Variants in GYS1 observed in about 807,000 individuals in gnomAD.
The protein encoded by GYS1 is glycogen synthase 1.
Under a neutral mutation model 89.1 loss-of-function variants are expected in GYS1, and 60 were observed. That is an observed-to-expected ratio of 0.67 (90% CI 0.55 to 0.84). The LOEUF (loss-of-function observed/expected upper bound fraction) is 0.84, where lower values mean the gene tolerates loss of function less well. GYS1 is among the 40% of genes least tolerant of loss of function. The pLI is 0.00. For missense variants in GYS1, 888 were observed against 1,003.1 expected (o/e 0.89, Z 1.55); for synonymous variants, 366 against 401.7 (o/e 0.91, Z 1.06).
chr19:48,977,267 G>A (rs2038669805), intron 10 of GYS1, among the ~76,000 whole-genome samples: 1 of 152,062 alleles, frequency 6.6e-6, no homozygotes, highest in African/African-American at 2.4e-5. Context: ...CACCACACCT[G>A]GCCCTTTATT....
Position 48,990,353 on chromosome 19 carries a change from G to T in GYS1, c.300+949C>A, listed in dbSNP as rs80150504. Among the ~76,000 whole-genome samples the T allele has an allele frequency of 1.1e-4, 17 of 152,152 alleles. No individual in the cohort carries two copies. In the East Asian group the frequency reaches 3.3e-3, roughly 29 times the overall value. ...ATCTGCCCATCTCAGACTCTGTCCT[G>T]TGGGTCTGTCCACTGACCTCTCCTC... is the stretch of plus-strand genomic sequence containing the variant. On this transcript the variant is annotated intron_variant, in intron 2 of 15. Transcript: ENST00000323798.
In GYS1 at chr19:48,987,377, GA is replaced by G. The variant is rs778142095; in HGVS notation, c.308del (p.Phe103SerfsTer5). 1 of 1,600,650 alleles carries G rather than the reference GA, an allele frequency of 6.2e-7. No individual in the cohort carries two copies. Among genetic ancestry groups the G allele is most frequent in the South Asian group, 1.1e-5 (1 of 89,076 alleles). ...GGCCTCCCTCGATCAGCCAGCGCCC[GA>G]AATACACCTGGGATGGGGTTGGGGA... ...SMNSKGCKVY[F>X]GRWLIEGGPL... is the part of the protein sequence containing the mutation. On this transcript the variant is annotated frameshift_variant, in exon 3 of 16. Coordinates refer to ENST00000323798, the MANE Select transcript of GYS1 (RefSeq NM_002103.5). LOFTEE classifies it high-confidence loss of function.
In GYS1 at chr19:48,982,723, T is replaced by C. The variant is rs200544361; in HGVS notation, c.938A>G (p.Tyr313Cys). The C allele has an allele frequency of 1.7e-5, 28 of 1,602,080 alleles. No homozygotes were observed. Among genetic ancestry groups the C allele is most frequent in the Non-Finnish European group, 2.2e-5 (26 of 1,169,406 alleles). ...RIQEFVRGHF[Y>C]GHLDFNLDKT... ...CCTAGGTATATGCCCCACGTACCCA[T>C]AAAAATGGCCCCGCACAAACTCCTG... is the stretch of plus-strand genomic sequence containing the variant. The change falls in exon 6 of 16, where the codon TAT becomes TGT. Residue 313 changes from tyrosine to cysteine, a missense_variant. Tyr to Cys is a radical substitution (Grantham distance 194). Coordinates refer to ENST00000323798, the MANE Select transcript of GYS1 (RefSeq NM_002103.5).
At chr19:48,988,141 G>A (rs541128207) in intron 2 of GYS1, among the ~76,000 whole-genome samples, 3 of 152,126 alleles carry the variant, frequency 2.0e-5, no homozygotes, top group South Asian at 2.1e-4. Flanking sequence ...TCTCCCACTC[G>A]CTGCCTCCTT....
intron 4 of GYS1, 34 bp from the exon 5 acceptor site, chr19:48,985,639 G>A: frequency 6.2e-7 from 1 of 1,612,668 alleles, no homozygotes; most frequent in Non-Finnish European, 8.5e-7. Context: ...CGGTTAGAAG[G>A]ATTGGGGAGA....
chr19:48,982,477 G>A, intron 6 of GYS1, 102 bp from the exon 7 acceptor site: 4 of 1,385,798 alleles, frequency 2.9e-6, no homozygotes, highest in Non-Finnish European at 4.1e-6. Context: ...GGCAGAGGAT[G>A]TCTTAGGTAA....
chr19:48,972,099 G>A (rs1034832062), intron 12 of GYS1, among the ~76,000 whole-genome samples: 12 of 151,698 alleles, frequency 7.9e-5, no homozygotes, highest in African/African-American at 2.7e-4. Context: ...GGGAGGCCAA[G>A]GCGGGTGGAT....
chr19:48,974,728 CT>C lies in GYS1; in HGVS notation c.1313del (p.Gln438ArgfsTer20). The C allele has an allele frequency of 6.2e-7, 1 of 1,609,230 alleles. No individual in the cohort carries two copies. Among genetic ancestry groups the C allele is most frequent in the Non-Finnish European group, 8.5e-7 (1 of 1,175,792 alleles). On this transcript the variant is annotated frameshift_variant, in exon 11 of 16. Transcript: ENST00000323798. LOFTEE classifies it high-confidence loss of function. ...MKRAIFATQRQSFPPVCTHNM... is the reference protein window; with the variant it reads ...MKRAIFATQRXSFPPVCTHNM... The stretch of plus-strand genomic sequence containing the variant: ...TGTGGGTGCACACAGGGGGGAAAGA[CT>C]GCCGCTGCAGGAGCCACAAGAAGGG...
Position 48,969,574 on chromosome 19 carries a change from G to A in GYS1, c.1928C>T (p.Pro643Leu). ...GTGTCGTGACAGCGAGGGCGACGGTGGCACCGAGGCTGGCCGTGGGTAGCG... is the reference window on the plus strand; with the variant it reads ...GTGTCGTGACAGCGAGGGCGACGGTAGCACCGAGGCTGGCCGTGGGTAGCG... ...GYRYPRPASV[P>L]PSPSLSRHSS... is the part of the protein sequence containing the mutation. Residue 643 changes from proline (P) to leucine (L), a missense_variant, in exon 16 of 16, where the codon CCA (proline) becomes CTA (leucine). Transcript: ENST00000323798. 2 of 1,538,538 alleles carry A rather than the reference G, an allele frequency of 1.3e-6. No individual in the cohort carries two copies. The highest frequency in any genetic ancestry group is 1.7e-6 in the Non-Finnish European group (2 of 1,146,952).
chr19:48,973,583 G>A (rs1358662795), intron 12 of GYS1, among the ~76,000 whole-genome samples: 1 of 144,132 alleles, frequency 6.9e-6, no homozygotes, highest in Non-Finnish European at 1.5e-5. Flanking sequence ...GCAGTGGCAT[G>A]ATCTCAGCTC....
At position 48,968,938 on chromosome 19, in the gene GYS1, C is replaced by T. The variant is rs1453400782; in HGVS notation, c.*350G>A. The T allele has an allele frequency of 1.1e-5, 6 of 527,424 alleles. No homozygotes were observed. The highest frequency in any genetic ancestry group is 2.2e-5 in the Non-Finnish European group (6 of 274,866). The allele number at this position is 527,424 out of a possible 1,614,324, so 32.7% of individuals were successfully genotyped here. On this transcript the variant is annotated 3_prime_UTR_variant, in exon 16 of 16. Transcript: ENST00000323798. The stretch of plus-strand genomic sequence containing the variant: ...TAGAATTTGTAAGCCACACGGGGGG[C>T]TCTAAAAGCCCCAGACCTGAAAGCA...
chr19:48,979,948 C>T (rs2038731526), intron 8 of GYS1, among the ~76,000 whole-genome samples: 1 of 151,558 alleles, frequency 6.6e-6, no homozygotes, highest in African/African-American at 2.4e-5. Context: ...CGCCCGACTT[C>T]TTTTTTATTT....
rs1219643359 is a variant in GYS1, at chr19:48,991,271, C to T, written c.300+31G>A. 7 of 1,609,658 alleles carry T rather than the reference C, an allele frequency of 4.3e-6. No individual in the cohort carries two copies. The highest frequency in any genetic ancestry group is 2.2e-5 in the East Asian group (1 of 44,886). On this transcript the variant is annotated intron_variant, in intron 2 of 15. Coordinates refer to ENST00000323798, the MANE Select transcript of GYS1 (RefSeq NM_002103.5). The surrounding 1 kb of genome is among the most constrained non-coding windows in gnomAD (Gnocchi z 4.7). ...CCACCCCGATGGCAGGCTGTCCACC[C>T]GCTTCTGCCCTGGGCTGGGCCACGT... is the stretch of plus-strand genomic sequence containing the variant.
chr19:48,981,791 G>A lies in GYS1; in HGVS notation c.1063-155C>T, dbSNP rs150098390. 6.0e-3 allele frequency among the ~76,000 whole-genome samples: 915 copies of A among 152,168 alleles called. 9 individuals are homozygous for A. Among genetic ancestry groups the A allele is most frequent in the Middle Eastern group, 0.044 (13 of 294 alleles). ...CACCTGGACTCTGACCTTCTTTCTG[G>A]GTCTCTATACTCCCCTCACGGCCCC... On this transcript the variant is annotated intron_variant, in intron 7 of 15. Coordinates refer to ENST00000323798, the MANE Select transcript of GYS1 (RefSeq NM_002103.5).
Position 48,968,997 on chromosome 19 carries a change from C to G in GYS1, c.*291G>C, listed in dbSNP as rs1194807210. On this transcript the variant is annotated 3_prime_UTR_variant, in exon 16 of 16. Coordinates refer to ENST00000323798, the MANE Select transcript of GYS1 (RefSeq NM_002103.5). ...GGTTTCCTAAAACCTCTGGCACCAC[C>G]GCAGAGTAATGGCAGATTCCTGGCC... 4 of 627,686 alleles carry G rather than the reference C, an allele frequency of 6.4e-6. No individual in the cohort carries two copies. The highest frequency in any genetic ancestry group is 1.8e-5 in the African/African-American group (1 of 55,428). The allele number at this position is 627,686 out of a possible 1,614,324, so 38.9% of individuals were successfully genotyped here. A position where few individuals can be genotyped will look rare whatever the true frequency, so the allele number is the denominator to read the frequency against.
intron 12 of GYS1, among the ~76,000 whole-genome samples, chr19:48,971,573 G>C (rs1225739683): frequency 6.9e-6 from 1 of 145,746 alleles, no homozygotes; most frequent in Non-Finnish European, 1.5e-5. Context: ...TTTTTCTTTC[G>C]AGACAGGGTC....
At position 48,981,616 on chromosome 19, in the gene GYS1, T is replaced by C. The variant is rs149865396; in HGVS notation, c.1083A>G (p.Thr361=). 1.4e-5 allele frequency: 23 copies of C among 1,612,148 alleles called. No individual in the cohort carries two copies. In the African/African-American group the frequency reaches 1.9e-4, roughly 13 times the overall value. The part of the protein sequence containing the change: ...YLLRVNGSEQ[T]VVAFFIMPAR... ...CTGGCATGATGAAGAAGGCAACCAC[T>C]GTCTGCTCGCTGCCGTTCACCTGCG... The change falls in exon 8 of 16, where the codon ACA becomes ACG. Residue 361 remains threonine, a synonymous_variant. Coordinates refer to ENST00000323798, the MANE Select transcript of GYS1 (RefSeq NM_002103.5).
In GYS1 at chr19:48,968,966, A is replaced by G; in HGVS notation, c.*322T>C. The stretch of plus-strand genomic sequence containing the variant: ...TAAAAGCCCCAGACCTGAAAGCACC[A>G]TGCCAGGTTTCCTAAAACCTCTGGC... On this transcript the variant is annotated 3_prime_UTR_variant, in exon 16 of 16. Transcript: ENST00000323798. The G allele has an allele frequency of 5.2e-6, 3 of 572,538 alleles. No homozygotes were observed. Among genetic ancestry groups the G allele is most frequent in the Non-Finnish European group, 3.3e-6 (1 of 303,114 alleles). The allele number at this position is 572,538 out of a possible 1,614,324, so 35.5% of individuals were successfully genotyped here.
Position 48,991,555 on chromosome 19 carries a change from CG to C in GYS1, c.119-73del. The C allele has an allele frequency of 1.2e-6, 1 of 814,092 alleles. No individual in the cohort carries two copies. Among genetic ancestry groups the C allele is most frequent in the Non-Finnish European group, 2.0e-6 (1 of 500,102 alleles). The allele number at this position is 814,092 out of a possible 1,614,324, so 50.4% of individuals were successfully genotyped here. ...TTCTGGGGCCTGGGGTGGGGTGGGC[CG>C]GGGATGTAGGGGGCACTCAGGCCCC... On this transcript the variant is annotated intron_variant, in intron 1 of 15. Coordinates refer to ENST00000323798, the MANE Select transcript of GYS1 (RefSeq NM_002103.5). This position sits in a 1 kb window ranked among gnomAD's most constrained non-coding sequence, Gnocchi z 4.7.
Sources: gnomAD v4.1 joint callset for allele counts (sites outside exome capture counted in the v4.1 genomes callset) on GRCh38, gnomAD v4.1.1 for gene constraint, Gnocchi (gnomAD v3.1) non-coding constraint, MANE v1.5 for transcripts, NCBI Gene and HGNC (gene_info 2026-07-23, HGNC 2026-07-21) for gene names.